The following NRXN1 variants were observed in gnomAD, a reference collection of about 807,000 sequenced individuals.
NRXN1 encodes the protein neurexin 1.
In NRXN1, 39 loss-of-function variants were observed where a neutral mutation model predicts 150.9. That is an observed-to-expected ratio of 0.26 (90% CI 0.20 to 0.34). The LOEUF (loss-of-function observed/expected upper bound fraction) is 0.34. Ranked by LOEUF, NRXN1 falls within the 10% of genes least tolerant of loss-of-function variation. The probability of loss-of-function intolerance (pLI) is 1.00; values close to 1 mark genes in which losing one functional copy is unlikely to be tolerated. For synonymous variants in NRXN1, 924 were observed against 757.0 expected (o/e 1.22, Z -3.62); for missense variants, 1,815 against 1,949.9 (o/e 0.93, Z 1.30).
At chr2:50,408,247 T>C (rs899712030) in intron 17 of NRXN1, among the ~76,000 whole-genome samples, 1 of 152,156 alleles carries the variant, frequency 6.6e-6, no homozygotes, top group South Asian at 2.1e-4. Flanking sequence ...TAGATTAACA[T>C]GAGAATTTCC....
chr2:50,884,370 G>T (rs1199352900), intron 5 of NRXN1, among the ~76,000 whole-genome samples: 1 of 151,594 alleles, frequency 6.6e-6, no homozygotes, highest in Non-Finnish European at 1.5e-5. Flanking sequence ...CATATTAACA[G>T]TACCTAAATG....
chr2:51,024,999 A>G (rs1558852), intron 2 of NRXN1, among the ~76,000 whole-genome samples: 35,386 of 152,030 alleles, frequency 0.23, 4,630 homozygotes, highest in East Asian at 0.45. Context: ...TATTGGGAGA[A>G]TCATCCATTC....
intron 21 of NRXN1, among the ~76,000 whole-genome samples, chr2:49,957,757 A>G (rs1675233750): frequency 6.6e-6 from 1 of 152,110 alleles, no homozygotes; most frequent in African/African-American, 2.4e-5. Context: ...CTAAATTGGC[A>G]TGGTCAGGTG....
At chr2:50,436,075 AG>A (rs2085396670) in intron 17 of NRXN1, among the ~76,000 whole-genome samples, 1 of 152,200 alleles carries the variant, frequency 6.6e-6, no homozygotes, top group African/African-American at 2.4e-5. Context: ...CTAAAGAAAA[AG>A]AAAATTTTGA....
At chr2:50,168,032 G>T (rs1559016465) in intron 18 of NRXN1, among the ~76,000 whole-genome samples, 1 of 149,396 alleles carries the variant, frequency 6.7e-6, no homozygotes, top group Non-Finnish European at 1.5e-5. Flanking sequence ...TTTTCCAAAG[G>T]TTTTTTTTTT....
At chr2:50,637,475 A>G (rs771332401) in intron 5 of NRXN1, 1 of 152,230 alleles carries the variant, frequency 6.6e-6, no homozygotes, top group Non-Finnish European at 1.5e-5. Flanking sequence ...AGAGTTACAG[A>G]TTAAGTGCAA....
chr2:50,754,031 G>C (rs1308012073), intron 5 of NRXN1, among the ~76,000 whole-genome samples: 1 of 150,364 alleles, frequency 6.7e-6, no homozygotes, highest in Non-Finnish European at 1.5e-5. Context: ...TAATATTGCA[G>C]GAAAACATAT....
chr2:50,727,167 A>G (rs1697466628), intron 5 of NRXN1, among the ~76,000 whole-genome samples: 1 of 152,190 alleles, frequency 6.6e-6, no homozygotes, highest in Non-Finnish European at 1.5e-5. Flanking sequence ...TTGTTTGTCA[A>G]AAACCCTTAT....
intron 8 of NRXN1, among the ~76,000 whole-genome samples, chr2:50,567,582 T>A (rs200407727): frequency 8.8e-6 from 1 of 114,154 alleles, no homozygotes; most frequent in East Asian, 3.4e-4. Context: ...ATATAGAATC[T>A]GATTTTTCCT....
intron 17 of NRXN1, among the ~76,000 whole-genome samples, chr2:50,403,889 T>C (rs541989258): frequency 4.6e-5 from 7 of 152,216 alleles, no homozygotes; most frequent in Non-Finnish European, 1.0e-4. Context: ...AAAAATACCA[T>C]TTACCCAATC....
chr2:50,388,873 A>G (rs2081500127), intron 17 of NRXN1, among the ~76,000 whole-genome samples: 6 of 152,190 alleles, frequency 3.9e-5, no homozygotes, highest in Admixed American at 3.9e-4. Context: ...GTAAAAAAAA[A>G]AATATTGTTA....
chr2:49,953,060 A>G (rs148674058), intron 21 of NRXN1, among the ~76,000 whole-genome samples: 21 of 152,272 alleles, frequency 1.4e-4, no homozygotes, highest in Non-Finnish European at 2.8e-4. Context: ...GCCAGTTATA[A>G]AAAACATTTC....
At chr2:50,122,213 T>A (rs1461900334) in intron 18 of NRXN1, among the ~76,000 whole-genome samples, 2 of 152,226 alleles carry the variant, frequency 1.3e-5, no homozygotes, top group Non-Finnish European at 1.5e-5. Flanking sequence ...TCTTCACTTA[T>A]CTGAATGTGA....
chr2:50,665,150 T>G (rs539696526), intron 5 of NRXN1, among the ~76,000 whole-genome samples: 1 of 152,082 alleles, frequency 6.6e-6, no homozygotes, highest in Admixed American at 6.6e-5. Flanking sequence ...TTGTGTGACC[T>G]ACAATAAGGT....
In NRXN1 at chr2:49,978,858, G is replaced by A. The variant is rs185050559; in HGVS notation, c.4129-35067C>T. Among the ~76,000 whole-genome samples, 11 of 152,242 alleles carry A rather than the reference G, an allele frequency of 7.2e-5. No homozygotes were observed. The East Asian group carries it at 2.1e-3, about 29-fold the overall frequency. ...AGTCCAACTCCTTCGTTTTAGAGAT[G>A]GATTTTAATGTAGAGAGGTTAAATA... On this transcript the variant is annotated intron_variant, in intron 21 of 22. Coordinates refer to ENST00000401669, the MANE Select transcript of NRXN1 (RefSeq NM_001330078.2).
At chr2:50,764,150 C>A (rs1434138842) in intron 5 of NRXN1, among the ~76,000 whole-genome samples, 1 of 151,778 alleles carries the variant, frequency 6.6e-6, no homozygotes, top group African/African-American at 2.4e-5. Context: ...CCCTGTAGAG[C>A]AACATATCCC....
At chr2:50,941,293 G>C (rs969334689) in intron 2 of NRXN1, among the ~76,000 whole-genome samples, 1 of 152,120 alleles carries the variant, frequency 6.6e-6, no homozygotes, top group Non-Finnish European at 1.5e-5. Context: ...CAGAAAATTG[G>C]TACCAGGAGT....
At chr2:50,608,948 AT>A (rs1301395731) in intron 8 of NRXN1, among the ~76,000 whole-genome samples, 4 of 152,170 alleles carry the variant, frequency 2.6e-5, no homozygotes, top group Non-Finnish European at 5.9e-5. Flanking sequence ...AGGTACCCAT[AT>A]TTAAAAAAAA....
chr2:50,978,100 A>T (rs537521338), intron 2 of NRXN1, among the ~76,000 whole-genome samples: 1 of 151,132 alleles, frequency 6.6e-6, no homozygotes, highest in East Asian at 2.0e-4. Context: ...ATACATTTTA[A>T]ATATTCTTTA....
Sources: allele counts gnomAD v4.1 joint callset (sites outside exome capture counted in the v4.1 genomes callset), GRCh38; gene constraint gnomAD v4.1.1; transcripts MANE v1.5; gene names NCBI Gene and HGNC (gene_info 2026-07-23, HGNC 2026-07-21).